ANKAR: variants seen among roughly 807,000 people sequenced by gnomAD.
ANKAR encodes ankyrin and armadillo repeat containing.
A neutral mutation model predicts 146.2 loss-of-function variants in ANKAR; 136 were observed. The observed-to-expected ratio is 0.93, with a 90% CI of 0.81 to 1.07. The LOEUF is 1.07. ANKAR is among the 50% of genes least tolerant of loss of function. ANKAR has a pLI of 0.00. For synonymous variants in ANKAR, 500 were observed against 575.8 expected (o/e 0.87, Z 1.88); for missense variants, 1,567 against 1,679.9 (o/e 0.93, Z 1.18).
chr2:189,704,934 G>T (rs1377674752), intron 7 of ANKAR, 89 bp from the exon 8 acceptor site: 1 of 1,236,468 alleles, frequency 8.1e-7, no homozygotes. Context: ...ACAATACTAA[G>T]CTCTGTGGCT....
chr2:189,720,920 T>G (rs1209247152), intron 12 of ANKAR, 133 bp downstream of exon 12: 6 of 631,970 alleles, frequency 9.5e-6, no homozygotes, highest in Non-Finnish European at 1.4e-5. Flanking sequence ...TAATATAACC[T>G]TAATATCCAA....
chr2:189,738,704 AT>A, intron 19 of ANKAR, 22 bp downstream of exon 19: 1 of 1,431,980 alleles, frequency 7.0e-7, no homozygotes, highest in Non-Finnish European at 9.7e-7. Context: ...CTAGAAGTTA[AT>A]TTTAGCCACA....
intron 12 of ANKAR, among the ~76,000 whole-genome samples, chr2:189,727,030 C>G (rs1050784592): frequency 1.3e-5 from 2 of 151,796 alleles, no homozygotes; most frequent in African/African-American, 4.8e-5. Flanking sequence ...CTCACTAATA[C>G]CAAAAATGCA....
intron 12 of ANKAR, among the ~76,000 whole-genome samples, chr2:189,723,626 A>G (rs1354415207): frequency 6.6e-6 from 1 of 152,092 alleles, no homozygotes; most frequent in Non-Finnish European, 1.5e-5. Flanking sequence ...TACTCCTTAC[A>G]TTCTAAAATC....
Position 189,685,812 on chromosome 2 carries a change from A to C in ANKAR, c.602-3715A>C, listed in dbSNP as rs537311760. On this transcript the variant is annotated intron_variant, in intron 2 of 22. Coordinates refer to ENST00000684021, the MANE Select transcript of ANKAR (RefSeq NM_001378068.1). ...ATCTTGGTTCAGCACTCAGACTCTC[A>C]TTTAACTAGTTTTCAGCACAACTGC... Among the ~76,000 whole-genome samples, 61 of 152,292 alleles carry C rather than the reference A, an allele frequency of 4.0e-4. No individual in the cohort carries two copies. In the South Asian group the frequency reaches 6.8e-3, roughly 17 times the overall value.
intron 2 of ANKAR, among the ~76,000 whole-genome samples, chr2:189,687,670 G>A (rs1233168355): frequency 6.6e-6 from 1 of 152,104 alleles, no homozygotes; most frequent in African/African-American, 2.4e-5. Context: ...GGGGTAAGAT[G>A]ATATCTTATT....
chr2:189,758,470 C>T (rs915646208), intron 18 of ANKAR, among the ~76,000 whole-genome samples: 4 of 152,170 alleles, frequency 2.6e-5, no homozygotes, highest in African/African-American at 9.7e-5. Flanking sequence ...ATTTGCCTTC[C>T]GCCATGAGTA....
chr2:189,730,643 C>T (rs773384177), intron 16 of ANKAR, 42 bp downstream of exon 16: 4 of 1,042,740 alleles, frequency 3.8e-6, no homozygotes. Context: ...TAAAAATTAA[C>T]AAATATAATT....
At chr2:189,740,698 A>AT (rs5837161) in intron 19 of ANKAR, among the ~76,000 whole-genome samples, 146,356 of 149,700 alleles carry the variant, frequency 0.98, 71,600 homozygotes, top group South Asian at 1. Flanking sequence ...GGACATATTA[A>AT]TTTTTTTTTT....
intron 18 of ANKAR, chr2:189,754,384 A>G: frequency 2.0e-6 from 3 of 1,517,840 alleles, no homozygotes; most frequent in Non-Finnish European, 2.7e-6. Flanking sequence ...ATAAAATTAA[A>G]TACTGTGAAA....
chr2:189,752,156 G>A (rs571296020), intron 18 of ANKAR, among the ~76,000 whole-genome samples: 35 of 151,772 alleles, frequency 2.3e-4, no homozygotes, highest in African/African-American at 8.4e-4. Context: ...AAGAAAAAAA[G>A]TAAAGAAAAA....
Position 189,719,817 on chromosome 2 carries a change from A to T in ANKAR, c.2466+4A>T, listed in dbSNP as rs1198785885. The T allele has an allele frequency of 5.1e-6, 8 of 1,556,454 alleles. No individual in the cohort carries two copies. The highest frequency in any genetic ancestry group is 7.0e-6 in the Non-Finnish European group (8 of 1,138,778). The stretch of plus-strand genomic sequence containing the variant: ...CAAGGATGTTATTGCCAAATATGTA[A>T]GTTCCTTTCATATACAATTATTTTT... On this transcript the variant is annotated splice_donor_region_variant and intron_variant, in intron 11 of 22. Coordinates refer to ENST00000684021, the MANE Select transcript of ANKAR (RefSeq NM_001378068.1).
intron 12 of ANKAR, among the ~76,000 whole-genome samples, chr2:189,726,176 C>T (rs2041860339): frequency 1.3e-5 from 2 of 152,086 alleles, no homozygotes; most frequent in African/African-American, 2.4e-5. Context: ...TTTACATGGT[C>T]TTAAAGTGTT....
In ANKAR at chr2:189,730,479, G is replaced by A. The variant is rs2042304649; in HGVS notation, c.3194-16G>A. ...GATGGAAAAAAATATTACCTCACTG[G>A]CGTGGACTCTTACAGGTGTAGCCCA... On this transcript the variant is annotated splice_polypyrimidine_tract_variant and intron_variant, in intron 15 of 22. Transcript: ENST00000684021. 1 of 1,473,928 alleles carries A rather than the reference G, an allele frequency of 6.8e-7. No individual in the cohort carries two copies. Among genetic ancestry groups the A allele is most frequent in the Admixed American group, 2.0e-5 (1 of 49,724 alleles). 91.3% of individuals were successfully genotyped at this position (1,473,928 alleles called of 1,614,324 possible). A position where few individuals can be genotyped will look rare whatever the true frequency, so the allele number is the denominator to read the frequency against.
chr2:189,713,257 A>G (rs995103604), intron 10 of ANKAR, among the ~76,000 whole-genome samples: 11 of 152,236 alleles, frequency 7.2e-5, no homozygotes, highest in African/African-American at 2.7e-4. Context: ...CAATTCAGGA[A>G]ATACAGAGAA....
chr2:189,727,500 G>A (rs1306088110), intron 12 of ANKAR, among the ~76,000 whole-genome samples: 1 of 132,032 alleles, frequency 7.6e-6, no homozygotes, highest in East Asian at 2.3e-4. Context: ...CTCCAGCCTG[G>A]GTGATAGAGC....
At chr2:189,752,974 T>G in intron 18 of ANKAR, 1 of 1,609,452 alleles carries the variant, frequency 6.2e-7, no homozygotes, top group Non-Finnish European at 8.5e-7. Flanking sequence ...CACCACCAGA[T>G]GCAACCTGAA....
In ANKAR at chr2:189,676,703, T is replaced by G; in HGVS notation, c.213T>G (p.Ile71Met). 1 of 1,614,182 alleles carries G rather than the reference T, an allele frequency of 6.2e-7. No individual in the cohort carries two copies. Among genetic ancestry groups the G allele is most frequent in the Non-Finnish European group, 8.5e-7 (1 of 1,180,032 alleles). ...VRSQVDLPCG[I>M]MSQMNNVGFS... ...CTCAAGTAGACCTCCCATGTGGAAT[T>G]ATGAGTCAAATGAATAACGTAGGCT... The change falls in exon 2 of 23, where the codon ATT becomes ATG. Residue 71 changes from isoleucine (I) to methionine (M), a missense_variant. Ile to Met is a conservative substitution (Grantham distance 10). Coordinates refer to ENST00000684021, the MANE Select transcript of ANKAR (RefSeq NM_001378068.1).
intron 18 of ANKAR, chr2:189,754,308 C>T: frequency 6.2e-7 from 1 of 1,613,260 alleles, no homozygotes; most frequent in Non-Finnish European, 8.5e-7. Flanking sequence ...CATGGTGGAG[C>T]ACTCTGGATG....
Sources: allele counts gnomAD v4.1 joint callset (sites outside exome capture counted in the v4.1 genomes callset), GRCh38; gene constraint gnomAD v4.1.1; transcripts MANE v1.5; gene names NCBI Gene and HGNC (gene_info 2026-07-23, HGNC 2026-07-21).